The following SLC38A1 variants were observed in gnomAD, a reference collection of about 807,000 sequenced individuals.
SLC38A1 encodes sodium-coupled neutral amino acid symporter 1.
A neutral mutation model predicts 60.3 loss-of-function variants in SLC38A1; 18 were observed. The observed-to-expected ratio is 0.30, with a 90% CI of 0.21 to 0.44. The LOEUF is 0.44. Among genes scored for constraint, SLC38A1 ranks in the 20% least tolerant of loss-of-function variants. SLC38A1 has a pLI of 1.00. For synonymous variants in SLC38A1, 196 were observed against 212.1 expected (o/e 0.92, Z 0.66); for missense variants, 448 against 587.2 (o/e 0.76, Z 2.45).
intron 3 of SLC38A1, among the ~76,000 whole-genome samples, chr12:46,236,345 A>G: frequency 6.6e-6 from 1 of 151,806 alleles, no homozygotes; most frequent in Non-Finnish European, 1.5e-5. Context: ...TAAATGGGCT[A>G]ACTAACCTGT....
intron 7 of SLC38A1, 116 bp downstream of exon 7, chr12:46,207,413 C>T: frequency 8.8e-7 from 1 of 1,133,718 alleles, no homozygotes; most frequent in East Asian, 2.4e-5. Flanking sequence ...CTTTACTTTC[C>T]CTGTGCCATT....
chr12:46,206,891 A>G (rs143255185), intron 8 of SLC38A1, among the ~76,000 whole-genome samples: 329 of 152,338 alleles, frequency 2.2e-3, no homozygotes, highest in African/African-American at 7.1e-3. Flanking sequence ...GAAACTAGAT[A>G]TAGATTTCAG....
intron 9 of SLC38A1, among the ~76,000 whole-genome samples, chr12:46,204,852 C>T (rs962927145): frequency 1.3e-5 from 2 of 152,162 alleles, no homozygotes; most frequent in Admixed American, 1.3e-4. Context: ...GATTCCAACT[C>T]TCCCTGGCAC....
At chr12:46,217,846 C>T in intron 5 of SLC38A1, among the ~76,000 whole-genome samples, 1 of 152,152 alleles carries the variant, frequency 6.6e-6, no homozygotes, top group East Asian at 1.9e-4. Context: ...AGGTGGAGAG[C>T]AATTATTTGT....
chr12:46,196,494 T>C (rs1358659754), intron 16 of SLC38A1, among the ~76,000 whole-genome samples: 4 of 152,212 alleles, frequency 2.6e-5, no homozygotes, highest in African/African-American at 9.6e-5. Flanking sequence ...TCTGAATATA[T>C]TGTCCTGTTG....
chr12:46,190,860 G>T (rs1277904850), intron 16 of SLC38A1, among the ~76,000 whole-genome samples: 2 of 152,128 alleles, frequency 1.3e-5, no homozygotes, highest in Non-Finnish European at 2.9e-5. Flanking sequence ...AGACTGCAAA[G>T]ATTTTCTCCC....
chr12:46,212,815 G>T (rs1330824327), intron 5 of SLC38A1, among the ~76,000 whole-genome samples: 1 of 152,152 alleles, frequency 6.6e-6, no homozygotes. Flanking sequence ...TTTAAAAGGG[G>T]ACATATTATG....
chr12:46,224,295 G>T (rs942962702), intron 5 of SLC38A1, among the ~76,000 whole-genome samples: 1 of 152,006 alleles, frequency 6.6e-6, no homozygotes, highest in Non-Finnish European at 1.5e-5. Context: ...ATGATAAATC[G>T]AGAGTGCCCA....
At position 46,268,944 on chromosome 12, in the gene SLC38A1, G is replaced by A. The variant is rs1592170634; in HGVS notation, c.-627C>T. ...GACGCGTGGCCCTTCCGCAACCATG[G>A]CTTGTGATGGTTTAACGCGGACAGG... is the stretch of plus-strand genomic sequence containing the variant. On this transcript the variant is annotated 5_prime_UTR_variant, in exon 1 of 17. Coordinates refer to ENST00000398637, the MANE Select transcript of SLC38A1 (RefSeq NM_030674.4). The surrounding 1 kb of genome is among the most constrained non-coding windows in gnomAD (Gnocchi z 4.4). 2.2e-6 allele frequency: 1 copy of A among 452,160 alleles called. No homozygotes were observed. Among genetic ancestry groups the A allele is most frequent in the Non-Finnish European group, 4.5e-6 (1 of 224,174 alleles). 28.0% of individuals were successfully genotyped at this position (452,160 alleles called of 1,614,324 possible). A position where few individuals can be genotyped will look rare whatever the true frequency, so the allele number is the denominator to read the frequency against.
chr12:46,197,714 A>T lies in SLC38A1; in HGVS notation c.1362+6T>A. 2 of 1,549,444 alleles carry T rather than the reference A, an allele frequency of 1.3e-6. No individual in the cohort carries two copies. Among genetic ancestry groups the T allele is most frequent in the Non-Finnish European group, 1.8e-6 (2 of 1,137,192 alleles). ...GAAAAGTTAGAGTGGCTGGCAAGAG[A>T]CATACCCAAATTCTTTGAGTTCCTT... On this transcript the variant is annotated splice_donor_region_variant and intron_variant, in intron 16 of 16. Coordinates refer to ENST00000398637, the MANE Select transcript of SLC38A1 (RefSeq NM_030674.4).
At chr12:46,239,325 CTT>C (rs11343329) in intron 3 of SLC38A1, 4 of 143,732 alleles carry the variant, frequency 2.8e-5, no homozygotes, top group Non-Finnish European at 4.6e-5. Flanking sequence ...TTTTTCTTTA[CTT>C]TTTTTTTTTT....
chr12:46,221,611 C>T (rs1052277285), intron 5 of SLC38A1, among the ~76,000 whole-genome samples: 4 of 152,134 alleles, frequency 2.6e-5, no homozygotes, highest in African/African-American at 9.7e-5. Context: ...AAATCTAATT[C>T]TTACATATCC....
At chr12:46,219,536 A>G (rs1032880604) in intron 5 of SLC38A1, among the ~76,000 whole-genome samples, 8 of 152,192 alleles carry the variant, frequency 5.3e-5, no homozygotes, top group Admixed American at 2.0e-4. Flanking sequence ...CTTTGAAATC[A>G]TGTGCCTGAC....
At chr12:46,250,366 C>CA (rs1941792484) in intron 1 of SLC38A1, among the ~76,000 whole-genome samples, 2 of 152,160 alleles carry the variant, frequency 1.3e-5, no homozygotes, top group Non-Finnish European at 2.9e-5. Flanking sequence ...TTATGACAAA[C>CA]CCACAGCCAA....
At chr12:46,246,965 A>G (rs1015571318) in intron 1 of SLC38A1, among the ~76,000 whole-genome samples, 1 of 152,232 alleles carries the variant, frequency 6.6e-6, no homozygotes, top group African/African-American at 2.4e-5. Flanking sequence ...GAAAACTAAT[A>G]AACAGAGGGG....
At chr12:46,190,301 G>C (rs1173206868) in intron 16 of SLC38A1, among the ~76,000 whole-genome samples, 1 of 152,160 alleles carries the variant, frequency 6.6e-6, no homozygotes, top group Non-Finnish European at 1.5e-5. Context: ...CGATTCCATG[G>C]TGTACATGTG....
chr12:46,235,949 C>T (rs1941244200), intron 3 of SLC38A1, among the ~76,000 whole-genome samples: 1 of 152,140 alleles, frequency 6.6e-6, no homozygotes, highest in East Asian at 1.9e-4. Context: ...TTTAAGGTGG[C>T]AATAACCAGC....
intron 5 of SLC38A1, among the ~76,000 whole-genome samples, chr12:46,211,198 A>G (rs1940155233): frequency 6.6e-6 from 1 of 152,152 alleles, no homozygotes; most frequent in Non-Finnish European, 1.5e-5. Context: ...GCCCTAGAGG[A>G]TTTCCGTGTG....
At chr12:46,229,414 T>C (rs1940984924) in intron 4 of SLC38A1, 146 bp from the exon 5 acceptor site, 4 of 809,516 alleles carry the variant, frequency 4.9e-6, no homozygotes, top group Admixed American at 2.4e-5. Context: ...TTTCCTTGAA[T>C]GGATTTCAAG....
Sources: gnomAD v4.1 joint callset for allele counts (sites outside exome capture counted in the v4.1 genomes callset) on GRCh38, gnomAD v4.1.1 for gene constraint, Gnocchi (gnomAD v3.1) non-coding constraint, MANE v1.5 for transcripts, NCBI Gene and HGNC (gene_info 2026-07-23, HGNC 2026-07-21) for gene names.